The following RNASE4 variants were observed in gnomAD, a reference collection of about 807,000 sequenced individuals.
The protein encoded by RNASE4 is ribonuclease A family member 4, also known as ribonuclease 4.
For synonymous variants in RNASE4, 93 were observed against 71.4 expected, an observed-to-expected ratio of 1.30 and a Z score of -1.52; for missense variants, 194 against 192.8, an observed-to-expected ratio of 1.01 and a Z score of -0.04.
chr14:20,692,900 T>G (rs1594208409), intron 1 of RNASE4, among the ~76,000 whole-genome samples: 1 of 152,244 alleles, frequency 6.6e-6, no homozygotes, highest in African/African-American at 2.4e-5. Flanking sequence ...AAGGCTGGAG[T>G]GCAGTGGCGC....
intron 1 of RNASE4, among the ~76,000 whole-genome samples, chr14:20,691,986 A>G (rs117669481): frequency 0.024 from 3,606 of 152,350 alleles, 62 homozygotes; most frequent in South Asian, 0.046. Context: ...TTCTGTGAAC[A>G]GCAATATCCC....
intron 1 of RNASE4, among the ~76,000 whole-genome samples, chr14:20,690,051 T>C (rs1189276898): frequency 7.3e-6 from 1 of 137,172 alleles, no homozygotes; most frequent in Admixed American, 7.2e-5. Context: ...CCGTCTCTAC[T>C]AAAAATACAA....
chr14:20,688,890 A>T, intron 1 of RNASE4: 1 of 980,106 alleles, frequency 1.0e-6, no homozygotes, highest in Non-Finnish European at 1.2e-6. Flanking sequence ...CTATTGTTCA[A>T]TTTGTTTTAT....
rs760536517 is a variant in RNASE4 at position 20,699,629 on chromosome 14, C to T, written c.258C>T (p.Ser86=). 2 of 1,613,524 alleles carry T rather than the reference C, an allele frequency of 1.2e-6. No individual in the cohort carries two copies. The highest frequency in any genetic ancestry group is 1.7e-6 in the Non-Finnish European group (2 of 1,180,042). The part of the protein sequence containing the change: ...EDIWNIRSIC[S]TTNIQCKNGK... Reference sequence around the variant, plus strand: ...TCTGGAACATTCGTAGTATCTGCAGCACCACCAATATCCAATGCAAGAACG... The same window carrying T: ...TCTGGAACATTCGTAGTATCTGCAGTACCACCAATATCCAATGCAAGAACG... Residue 86 remains serine, a synonymous_variant, in exon 2 of 2, where the codon AGC becomes AGT. Transcript: ENST00000555835.
At chr14:20,685,097 C>T (rs951160952) in intron 1 of RNASE4, among the ~76,000 whole-genome samples, 3 of 152,192 alleles carry the variant, frequency 2.0e-5, no homozygotes, top group Non-Finnish European at 4.4e-5. Flanking sequence ...GCTAGTTATT[C>T]AGGCTAATCA....
intron 1 of RNASE4, among the ~76,000 whole-genome samples, chr14:20,695,240 T>C (rs1355374632): frequency 1.3e-5 from 2 of 151,738 alleles, no homozygotes; most frequent in Admixed American, 6.6e-5. Context: ...ACTAAAAATG[T>C]GAAAATTAGC....
At chr14:20,696,968 T>C (rs1467531297) in intron 1 of RNASE4, among the ~76,000 whole-genome samples, 1 of 152,176 alleles carries the variant, frequency 6.6e-6, no homozygotes, top group Non-Finnish European at 1.5e-5. Context: ...GTCAGGGTGG[T>C]GCAGTGGAGA....
intron 1 of RNASE4, among the ~76,000 whole-genome samples, chr14:20,692,672 G>A (rs1326125140): frequency 6.6e-6 from 1 of 152,118 alleles, no homozygotes; most frequent in Non-Finnish European, 1.5e-5. Context: ...CCAATCCATA[G>A]AAATACTGTC....
intron 1 of RNASE4, chr14:20,694,215 A>G (rs1205328328): frequency 1.6e-6 from 1 of 620,030 alleles, no homozygotes; most frequent in African/African-American, 1.9e-5. Flanking sequence ...TTCTGGGCAT[A>G]TTGATCTTTC....
chr14:20,696,431 G>A (rs936329899), intron 1 of RNASE4, among the ~76,000 whole-genome samples: 1 of 152,166 alleles, frequency 6.6e-6, no homozygotes, highest in Non-Finnish European at 1.5e-5. Context: ...AAGAATTGAA[G>A]TCCTGGTCAG....
chr14:20,688,598 C>A, intron 1 of RNASE4: 2 of 786,508 alleles, frequency 2.5e-6, no homozygotes, highest in Non-Finnish European at 3.1e-6. Flanking sequence ...ACTTTGTCTT[C>A]CAGAACAAAT....
chr14:20,699,325 A>C, intron 1 of RNASE4, 30 bp from the exon 2 acceptor site: 1 of 1,521,908 alleles, frequency 6.6e-7, no homozygotes. Flanking sequence ...TTCTTACCTT[A>C]TTTCTCCTGC....
intron 1 of RNASE4, chr14:20,694,299 T>G: frequency 4.3e-6 from 1 of 232,874 alleles, no homozygotes. Flanking sequence ...TTCTTTTCGT[T>G]TTTTTTTTTT....
At position 20,699,688 on chromosome 14, in the gene RNASE4, T is replaced by A; in HGVS notation, c.317T>A (p.Val106Asp). The A allele has an allele frequency of 1.2e-6, 2 of 1,610,170 alleles. No individual in the cohort carries two copies. Among genetic ancestry groups the A allele is most frequent in the Non-Finnish European group, 1.7e-6 (2 of 1,180,020 alleles). Residue 106 changes from valine (V) to aspartate (D), a missense_variant, in exon 2 of 2, where the codon GTC (valine) becomes GAC (aspartate). Physicochemically the swap from Val to Asp is radical, Grantham distance 152. Transcript: ENST00000555835. ...KMNCHEGVVK[V>D]TDCRDTGSSR... ...AACTGCCATGAGGGTGTAGTGAAGG[T>A]CACAGATTGCAGGGACACAGGAAGT...
Position 20,688,774 on chromosome 14 carries a change from C to T in RNASE4, c.-18+4016C>T, listed in dbSNP as rs182965303. The T allele has an allele frequency of 1.5e-5, 15 of 985,368 alleles. No individual in the cohort carries two copies. The East Asian group carries it at 6.8e-4, about 45-fold the overall frequency. The allele number at this position is 985,368 out of a possible 1,614,324, so 61.0% of individuals were successfully genotyped here. ...ATATAATCAGAACCTGGAGAGGCCT[C>T]CAGGTTCACACAACTGGAACCCATC... On this transcript the variant is annotated intron_variant, in intron 1 of 1. Coordinates refer to ENST00000555835, the MANE Select transcript of RNASE4 (RefSeq NM_002937.5).
chr14:20,692,781 A>G (rs1886836923), intron 1 of RNASE4, among the ~76,000 whole-genome samples: 1 of 152,198 alleles, frequency 6.6e-6, no homozygotes, highest in Non-Finnish European at 1.5e-5. Context: ...TCATCTCAGT[A>G]CATTGAAGCC....
chr14:20,692,051 G>A (rs1273201224), intron 1 of RNASE4, among the ~76,000 whole-genome samples: 2 of 152,112 alleles, frequency 1.3e-5, no homozygotes, highest in Non-Finnish European at 2.9e-5. Context: ...TATTTGATAC[G>A]AAAATGTTCA....
chr14:20,685,519 G>A (rs1290129689), intron 1 of RNASE4, among the ~76,000 whole-genome samples: 2 of 152,166 alleles, frequency 1.3e-5, no homozygotes, highest in Non-Finnish European at 2.9e-5. Context: ...CCCAGAAGCA[G>A]CCTCAGGTAT....
At chr14:20,697,894 T>G (rs1594213696) in intron 1 of RNASE4, among the ~76,000 whole-genome samples, 1 of 152,306 alleles carries the variant, frequency 6.6e-6, no homozygotes, top group East Asian at 1.9e-4. Context: ...GATTCACAAT[T>G]CACATCAATT....
Sources: gnomAD v4.1 joint callset for allele counts (sites outside exome capture counted in the v4.1 genomes callset) on GRCh38, gnomAD v4.1.1 for gene constraint, MANE v1.5 for transcripts, NCBI Gene and HGNC (gene_info 2026-07-23, HGNC 2026-07-21) for gene names.